The following ARL9 variants were observed in gnomAD, a reference collection of about 807,000 sequenced individuals.
The protein encoded by ARL9 is ARF like GTPase 9.
In ARL9, 14 loss-of-function variants were observed where a neutral mutation model predicts 27.0. The ratio of observed to expected loss-of-function variants is 0.52; its 90% confidence interval spans 0.34 to 0.81. The LOEUF (loss-of-function observed/expected upper bound fraction) is 0.81. Among genes scored for constraint, ARL9 ranks in the 30% least tolerant of loss-of-function variants. The pLI, the probability that ARL9 is intolerant of heterozygous loss-of-function variation, is 0.01. For missense variants in ARL9, 294 were observed against 290.0 expected, an observed-to-expected ratio of 1.01 and a Z score of -0.10; for synonymous variants, 106 against 108.7, an observed-to-expected ratio of 0.98 and a Z score of 0.15.
At chr4:56,511,077 G>A (rs1721622845) in intron 1 of ARL9, 108 bp from the exon 2 acceptor site, 1 of 1,137,982 alleles carries the variant, frequency 8.8e-7, no homozygotes, top group Non-Finnish European at 1.2e-6. Context: ...CTGGCCCGTG[G>A]AGTTTTATTC....
intron 3 of ARL9, among the ~76,000 whole-genome samples, chr4:56,520,720 G>A (rs929818523): frequency 2.6e-5 from 4 of 152,152 alleles, no homozygotes; most frequent in African/African-American, 9.7e-5. Flanking sequence ...ATATTGTAAT[G>A]CTGAAGTCCC....
At chr4:56,518,210 T>G (rs1466061661) in intron 2 of ARL9, among the ~76,000 whole-genome samples, 1 of 152,122 alleles carries the variant, frequency 6.6e-6, no homozygotes, top group East Asian at 1.9e-4. Context: ...TTTTTAGTTT[T>G]TATTTTTGTA....
intron 2 of ARL9, among the ~76,000 whole-genome samples, chr4:56,518,317 G>T (rs543367931): frequency 6.6e-6 from 1 of 152,234 alleles, no homozygotes; most frequent in Non-Finnish European, 1.5e-5. Context: ...GATTACAGGC[G>T]TGAGCAACTG....
In ARL9 at chr4:56,523,920, A is replaced by G; in HGVS notation, c.*44A>G. 1 of 1,536,976 alleles carries G rather than the reference A, an allele frequency of 6.5e-7. No individual in the cohort carries two copies. On this transcript the variant is annotated 3_prime_UTR_variant, in exon 4 of 4. Coordinates refer to ENST00000640821, the MANE Select transcript of ARL9 (RefSeq NM_001363794.2). ...TGCGGCTCACGACTGAGATGTCATC[A>G]GTGTTGAATGGCAGGCTTGAAGCCA...
At chr4:56,516,584 C>CAAAAAAAAAAAAA (rs10718013) in intron 2 of ARL9, among the ~76,000 whole-genome samples, 41 of 120,764 alleles carry the variant, frequency 3.4e-4, no homozygotes, top group Non-Finnish European at 5.3e-4. Flanking sequence ...TCAAATTAGG[C>CAAAAAAAAAAAAA]AAAAAAAAAA....
intron 2 of ARL9, among the ~76,000 whole-genome samples, chr4:56,513,214 G>A (rs1265222777): frequency 6.6e-6 from 1 of 152,140 alleles, no homozygotes. Context: ...CTTTTTTTTA[G>A]GATGCAGCAT....
chr4:56,508,605 C>T (rs1415693367), intron 1 of ARL9, among the ~76,000 whole-genome samples: 7 of 152,164 alleles, frequency 4.6e-5, no homozygotes, highest in South Asian at 2.1e-4. Flanking sequence ...AGGCTGGTCT[C>T]GAACTCCTGA....
intron 2 of ARL9, among the ~76,000 whole-genome samples, chr4:56,512,091 A>G (rs1162795329): frequency 1.3e-5 from 2 of 152,186 alleles, no homozygotes; most frequent in African/African-American, 4.8e-5. Flanking sequence ...CAAGTAAAAC[A>G]CTATGAATTT....
intron 2 of ARL9, 100 bp downstream of exon 2, chr4:56,511,447 G>T: frequency 7.9e-7 from 1 of 1,266,340 alleles, no homozygotes. Context: ...AACTAACACT[G>T]AATCAAATTT....
At chr4:56,514,836 A>C (rs1400648903) in intron 2 of ARL9, among the ~76,000 whole-genome samples, 1 of 152,236 alleles carries the variant, frequency 6.6e-6, no homozygotes, top group East Asian at 1.9e-4. Flanking sequence ...CAGCAAAGAT[A>C]GTATAAGAAA....
intron 3 of ARL9, among the ~76,000 whole-genome samples, chr4:56,520,006 CT>C (rs1188540227): frequency 1.5e-3 from 213 of 142,852 alleles, no homozygotes; most frequent in Admixed American, 2.4e-3. Flanking sequence ...CCACTCCTGA[CT>C]TTTTTTTTTT....
chr4:56,520,648 G>C (rs1721892587), intron 3 of ARL9, among the ~76,000 whole-genome samples: 2 of 151,904 alleles, frequency 1.3e-5, no homozygotes, highest in Admixed American at 1.3e-4. Context: ...AATGGTTAAG[G>C]AGAAAAATTT....
chr4:56,523,351 T>C (rs945674394), intron 3 of ARL9, among the ~76,000 whole-genome samples: 1 of 152,208 alleles, frequency 6.6e-6, no homozygotes, highest in Non-Finnish European at 1.5e-5. Flanking sequence ...ATTGCGCCAC[T>C]GCACTCCAGC....
intron 2 of ARL9, among the ~76,000 whole-genome samples, chr4:56,512,233 G>A (rs10004163): frequency 0.043 from 6,565 of 152,184 alleles, 462 homozygotes; most frequent in African/African-American, 0.15. Flanking sequence ...ATCTGTTTAC[G>A]AAGAGAAGTA....
rs1553950746 is a variant in ARL9 at position 56,524,139 on chromosome 4, A to T, written c.*263A>T. 5.7e-6 allele frequency: 2 copies of T among 348,072 alleles called. No homozygotes were observed. Among genetic ancestry groups the T allele is most frequent in the Non-Finnish European group, 1.0e-5 (2 of 192,840 alleles). 21.6% of individuals were successfully genotyped at this position (348,072 alleles called of 1,614,324 possible). A position where few individuals can be genotyped will look rare whatever the true frequency, so the allele number is the denominator to read the frequency against. ...AATAATACACATTTTAAAATACAAT[A>T]TAACAACTATTTACATAGCATTTTC... On this transcript the variant is annotated 3_prime_UTR_variant, in exon 4 of 4. Coordinates refer to ENST00000640821, the MANE Select transcript of ARL9 (RefSeq NM_001363794.2).
At chr4:56,518,940 T>C in intron 3 of ARL9, 87 bp downstream of exon 3, 7 of 1,233,422 alleles carry the variant, frequency 5.7e-6, no homozygotes, top group Non-Finnish European at 7.9e-6. Context: ...GTCAACAATA[T>C]GCTATATATT....
Position 56,518,833 on chromosome 4 carries a change from G to A in ARL9, c.598G>A (p.Val200Ile). The change falls in exon 3 of 4, where the codon GTT becomes ATT. Residue 200 changes from valine (V) to isoleucine (I), a missense_variant. Transcript: ENST00000640821. ...LIAANPVLPL[V>I]VFANKQDLEA... Reference sequence around the variant, plus strand: ...TGCAGCAAACCCAGTACTTCCTCTGGTTGTGTTTGCAAACAAACAGGTAAA... The same window carrying A: ...TGCAGCAAACCCAGTACTTCCTCTGATTGTGTTTGCAAACAAACAGGTAAA... 2.5e-6 allele frequency: 4 copies of A among 1,613,584 alleles called. No individual in the cohort carries two copies. The highest frequency in any genetic ancestry group is 3.4e-6 in the Non-Finnish European group (4 of 1,179,756).
chr4:56,523,749 C>G lies in ARL9; in HGVS notation c.671C>G (p.Ser224Cys). Reference protein sequence around the residue: ...ITDIHEALALSEVGNDRKMFL... With the variant: ...ITDIHEALALCEVGNDRKMFL... ...GATATCCATGAAGCTTTGGCATTAT[C>G]TGAAGTGGGAAATGACAGGAAGATG... Residue 224 changes from serine to cysteine, a missense_variant, in exon 4 of 4, where the codon TCT (serine) becomes TGT (cysteine). By Grantham distance (112) the Ser-to-Cys change is moderately radical. Coordinates refer to ENST00000640821, the MANE Select transcript of ARL9 (RefSeq NM_001363794.2). 6.2e-7 allele frequency: 1 copy of G among 1,614,000 alleles called. No individual in the cohort carries two copies. Among genetic ancestry groups the G allele is most frequent in the Non-Finnish European group, 8.5e-7 (1 of 1,179,878 alleles).
At chr4:56,518,545 A>T (rs775601036) in intron 2 of ARL9, 133 bp from the exon 3 acceptor site, 1 of 755,758 alleles carries the variant, frequency 1.3e-6, no homozygotes, top group African/African-American at 1.7e-5. Flanking sequence ...GACTGGGTAC[A>T]CTCTAACACG....
Sources: allele counts gnomAD v4.1 joint callset (sites outside exome capture counted in the v4.1 genomes callset), GRCh38; gene constraint gnomAD v4.1.1; transcripts MANE v1.5; gene names NCBI Gene and HGNC (gene_info 2026-07-23, HGNC 2026-07-21).